The following PDS5B variants were observed in gnomAD, a reference collection of about 807,000 sequenced individuals.
PDS5B encodes sister chromatid cohesion protein PDS5 homolog B.
A neutral mutation model predicts 184.1 loss-of-function variants in PDS5B; 51 were observed. The ratio of observed to expected loss-of-function variants is 0.28; its 90% CI spans 0.22 to 0.35. The LOEUF (loss-of-function observed/expected upper bound fraction) is 0.35. Among genes scored for constraint, PDS5B ranks in the 10% least tolerant of loss-of-function variants. PDS5B has a pLI of 1.00. For missense variants in PDS5B, 1,180 were observed against 1,723.3 expected, an observed-to-expected ratio of 0.68 and a Z score of 5.58; for synonymous variants, 566 against 569.2, an observed-to-expected ratio of 0.99 and a Z score of 0.08.
At chr13:32,698,958 T>G (rs1383309332) in intron 15 of PDS5B, among the ~76,000 whole-genome samples, 2 of 152,172 alleles carry the variant, frequency 1.3e-5, no homozygotes, top group Admixed American at 1.3e-4. Context: ...TTTCACCATC[T>G]TGGCCAGGGT....
chr13:32,748,168 A>G (rs1953829309), intron 24 of PDS5B, among the ~76,000 whole-genome samples: 2 of 152,184 alleles, frequency 1.3e-5, no homozygotes, highest in Non-Finnish European at 2.9e-5. Context: ...GCTTTTCTGT[A>G]ATCTGTTCTT....
chr13:32,664,978 T>G (rs892492392), intron 6 of PDS5B, among the ~76,000 whole-genome samples: 6 of 152,174 alleles, frequency 3.9e-5, no homozygotes, highest in South Asian at 2.1e-4. Flanking sequence ...TGAAGAAGAA[T>G]AAGAAAACAG....
At chr13:32,644,496 C>T (rs1235499522) in intron 1 of PDS5B, among the ~76,000 whole-genome samples, 1 of 152,052 alleles carries the variant, frequency 6.6e-6, no homozygotes, top group Non-Finnish European at 1.5e-5. Flanking sequence ...CTGTGAATAA[C>T]GACTGGTTCA....
At chr13:32,752,880 G>A (rs1260004111) in intron 24 of PDS5B, among the ~76,000 whole-genome samples, 2 of 152,132 alleles carry the variant, frequency 1.3e-5, no homozygotes, top group Middle Eastern at 3.4e-3. Context: ...TTAGCCTCCC[G>A]AGTAGTTGGG....
Position 32,701,394 on chromosome 13 carries a change from C to G in PDS5B, c.1812C>G (p.Leu604=), listed in dbSNP as rs772192585. Reference sequence around the variant, plus strand: ...CTTTCCTGGAAATGATCAAGTTTCTCTTGGAGAGGATAGCACCTGTGCACA... The same window carrying G: ...CTTTCCTGGAAATGATCAAGTTTCTGTTGGAGAGGATAGCACCTGTGCACA... ...TNPFLEMIKF[L]LERIAPVHID... The change falls in exon 17 of 35, where the codon CTC becomes CTG. Residue 604 remains leucine (L), a synonymous_variant. Coordinates refer to ENST00000315596, the MANE Select transcript of PDS5B (RefSeq NM_015032.4). 2 of 1,612,510 alleles carry G rather than the reference C, an allele frequency of 1.2e-6. No individual in the cohort carries two copies. The highest frequency in any genetic ancestry group is 1.3e-5 in the African/African-American group (1 of 74,978).
chr13:32,707,126 TAA>T (rs1952047130), intron 18 of PDS5B, 87 bp downstream of exon 18: 2 of 678,334 alleles, frequency 2.9e-6, no homozygotes, highest in East Asian at 6.1e-5. Flanking sequence ...GTTTTCTTCT[TAA>T]GTTTGTATAA....
chr13:32,661,063 G>A (rs1406832491), intron 6 of PDS5B, among the ~76,000 whole-genome samples: 2 of 152,030 alleles, frequency 1.3e-5, no homozygotes, highest in African/African-American at 4.8e-5. Context: ...ACATATTAAA[G>A]GAGAAAATTA....
intron 17 of PDS5B, among the ~76,000 whole-genome samples, chr13:32,702,303 G>A (rs180793109): frequency 7.2e-5 from 11 of 152,126 alleles, no homozygotes; most frequent in East Asian, 1.9e-4. Flanking sequence ...CTCTTGTATC[G>A]GTTTTCATTT....
intron 31 of PDS5B, among the ~76,000 whole-genome samples, chr13:32,769,772 T>C (rs78432737): frequency 0.046 from 7,055 of 152,244 alleles, 474 homozygotes; most frequent in African/African-American, 0.15. Context: ...ACAGATACTT[T>C]AGTATAGTTG....
intron 1 of PDS5B, among the ~76,000 whole-genome samples, chr13:32,591,630 C>G (rs1397691771): frequency 6.6e-6 from 1 of 151,988 alleles, no homozygotes; most frequent in African/African-American, 2.4e-5. Context: ...ATGTATTTAC[C>G]AACATTGGAC....
chr13:32,776,478 C>T lies in PDS5B; in HGVS notation c.*1426C>T, dbSNP rs1028175394. Reference sequence around the variant, plus strand: ...AGAAATAAATTACTTAAGGCAGTATCCTTTATACAGTTGTATAAACTGTAT... The same window carrying T: ...AGAAATAAATTACTTAAGGCAGTATTCTTTATACAGTTGTATAAACTGTAT... On this transcript the variant is annotated 3_prime_UTR_variant, in exon 35 of 35. Transcript: ENST00000315596. 6.6e-6 allele frequency: 1 copy of T among 151,780 alleles called. No homozygotes were observed. The highest frequency in any genetic ancestry group is 1.5e-5 in the Non-Finnish European group (1 of 67,872). The allele number at this position is 151,780 out of a possible 1,614,324, so 9.4% of individuals were successfully genotyped here. A position where few individuals can be genotyped will look rare whatever the true frequency, so the allele number is the denominator to read the frequency against.
chr13:32,730,247 G>C (rs1953063715), intron 19 of PDS5B, among the ~76,000 whole-genome samples: 2 of 152,158 alleles, frequency 1.3e-5, no homozygotes, highest in Non-Finnish European at 2.9e-5. Flanking sequence ...TCAAAGATCA[G>C]ATGGTTGTAG....
rs371312440 is a variant in PDS5B, at chr13:32,770,135, G to C, written c.3639G>C (p.Lys1213Asn). Reference protein sequence around the residue: ...DSDLVRSELEKPRGRKKTPVT... With the variant: ...DSDLVRSELENPRGRKKTPVT... ...TTTTCCCCTAGTCTGAATTGGAGAA[G>C]CCTAGAGGCAGGAAAAAAACGCCCG... Residue 1213 changes from lysine to asparagine, a missense_variant, in exon 32 of 35, where the codon AAG becomes AAC. Around this residue, in one of 11 missense-constraint regions of PDS5B, gnomAD observed 465 missense variants for 497.8 expected, o/e 0.93. Transcript: ENST00000315596. 4.3e-6 allele frequency: 7 copies of C among 1,611,910 alleles called. No homozygotes were observed. In the African/African-American group the frequency reaches 9.4e-5, roughly 22 times the overall value.
At chr13:32,609,600 T>G (rs1486687622) in intron 1 of PDS5B, among the ~76,000 whole-genome samples, 1 of 152,222 alleles carries the variant, frequency 6.6e-6, no homozygotes, top group Non-Finnish European at 1.5e-5. Context: ...TCCACTGACT[T>G]TAACCATAGT....
chr13:32,767,988 C>T (rs973034976), intron 31 of PDS5B, among the ~76,000 whole-genome samples: 2 of 152,148 alleles, frequency 1.3e-5, no homozygotes, highest in African/African-American at 2.4e-5. Context: ...AAAGGAAGCA[C>T]TACAAATCAT....
chr13:32,756,898 G>A (rs1954200807), intron 26 of PDS5B, among the ~76,000 whole-genome samples: 1 of 152,050 alleles, frequency 6.6e-6, no homozygotes, highest in Admixed American at 6.5e-5. Flanking sequence ...TGAGGCGGGT[G>A]GCTCACCTGA....
Position 32,758,722 on chromosome 13 carries a change from A to T in PDS5B, c.3309+69A>T, listed in dbSNP as rs575499021. 22 of 1,463,374 alleles carry T rather than the reference A, an allele frequency of 1.5e-5. 1 individual carries two copies. In the South Asian group the frequency reaches 2.4e-4, roughly 16 times the overall value. 90.6% of individuals were successfully genotyped at this position (1,463,374 alleles called of 1,614,324 possible). On this transcript the variant is annotated intron_variant, in intron 28 of 34. Coordinates refer to ENST00000315596, the MANE Select transcript of PDS5B (RefSeq NM_015032.4). Reference sequence around the variant, plus strand: ...ATTCTCAGCACTGGATTGTAGGAAGATCAGGAAGGATCATGGAAAAATTGC... The same window carrying T: ...ATTCTCAGCACTGGATTGTAGGAAGTTCAGGAAGGATCATGGAAAAATTGC...
intron 23 of PDS5B, among the ~76,000 whole-genome samples, chr13:32,745,304 A>G (rs1953703445): frequency 1.3e-5 from 2 of 152,354 alleles, no homozygotes; most frequent in African/African-American, 2.4e-5. Flanking sequence ...AACAAAATCC[A>G]TAGTAGAATA....
intron 19 of PDS5B, among the ~76,000 whole-genome samples, chr13:32,713,264 C>T (rs888843324): frequency 4.6e-5 from 7 of 152,084 alleles, no homozygotes; most frequent in African/African-American, 1.4e-4. Flanking sequence ...TTCAGTCATC[C>T]GGGAGATGCT....
Sources: allele counts gnomAD v4.1 joint callset (sites outside exome capture counted in the v4.1 genomes callset), GRCh38; gene constraint gnomAD v4.1.1; regional missense constraint gnomAD v4.1.1; transcripts MANE v1.5; gene names NCBI Gene and HGNC (gene_info 2026-07-23, HGNC 2026-07-21).